The following RBMS1 variants were observed in gnomAD, a reference collection of about 807,000 sequenced individuals.
RBMS1 encodes RNA-binding motif, single-stranded-interacting protein 1.
Under a neutral mutation model 62.3 loss-of-function variants are expected in RBMS1, and 17 were observed. The observed-to-expected ratio is 0.27, with a 90% CI of 0.19 to 0.41. The LOEUF (loss-of-function observed/expected upper bound fraction) is 0.41. Among genes scored for constraint, RBMS1 ranks in the 10% least tolerant of loss-of-function variants. RBMS1 has a pLI of 1.00. For missense variants in RBMS1, 334 were observed against 504.5 expected, an observed-to-expected ratio of 0.66 and a Z score of 3.24; for synonymous variants, 172 against 170.0, an observed-to-expected ratio of 1.01 and a Z score of -0.09.
At chr2:160,368,479 T>C (rs1693533718) in intron 1 of RBMS1, among the ~76,000 whole-genome samples, 1 of 152,044 alleles carries the variant, frequency 6.6e-6, no homozygotes, top group African/African-American at 2.4e-5. Flanking sequence ...AATCCCACAG[T>C]GGAAAGTTGG....
intron 4 of RBMS1, among the ~76,000 whole-genome samples, chr2:160,304,274 G>C (rs1182084653): frequency 6.6e-6 from 1 of 152,142 alleles, no homozygotes; most frequent in Non-Finnish European, 1.5e-5. Flanking sequence ...AAAGCAAGGA[G>C]AATAATTATG....
At chr2:160,473,025 A>G (rs1684984006) in intron 1 of RBMS1, among the ~76,000 whole-genome samples, 1 of 152,246 alleles carries the variant, frequency 6.6e-6, no homozygotes, top group Non-Finnish European at 1.5e-5. Context: ...CAACTCTCCA[A>G]ACCTTATTGT....
chr2:160,344,753 T>G (rs142233361), intron 2 of RBMS1, among the ~76,000 whole-genome samples: 11 of 152,188 alleles, frequency 7.2e-5, no homozygotes, highest in African/African-American at 2.2e-4. Context: ...CAGATGGGTG[T>G]TAGGTACCAT....
intron 1 of RBMS1, among the ~76,000 whole-genome samples, chr2:160,479,103 G>A (rs973718152): frequency 2.0e-5 from 3 of 152,210 alleles, no homozygotes; most frequent in Admixed American, 6.5e-5. Flanking sequence ...GCAGGATAGA[G>A]AAACTTTACC....
intron 5 of RBMS1, chr2:160,302,927 T>C (rs1175358953): frequency 6.3e-6 from 1 of 158,610 alleles, no homozygotes; most frequent in East Asian, 1.9e-4. Flanking sequence ...ACATATTTCA[T>C]TTTAAAACCT....
At chr2:160,289,343 A>G (rs571974757) in intron 6 of RBMS1, among the ~76,000 whole-genome samples, 7 of 152,358 alleles carry the variant, frequency 4.6e-5, no homozygotes, top group Admixed American at 2.0e-4. Flanking sequence ...AACAGTTTGT[A>G]TACTGGCAGG....
intron 2 of RBMS1, among the ~76,000 whole-genome samples, chr2:160,339,811 A>G (rs2105992941): frequency 6.6e-6 from 1 of 152,300 alleles, no homozygotes; most frequent in Admixed American, 6.5e-5. Flanking sequence ...ACACAGCAAC[A>G]TGTTTTAAAG....
chr2:160,314,973 G>A (rs1039499167), intron 3 of RBMS1, among the ~76,000 whole-genome samples: 2 of 152,082 alleles, frequency 1.3e-5, no homozygotes, highest in African/African-American at 2.4e-5. Flanking sequence ...TGAGAACCCA[G>A]CTACAATGAA....
At chr2:160,280,599 T>C (rs1688052173) in intron 10 of RBMS1, among the ~76,000 whole-genome samples, 1 of 152,196 alleles carries the variant, frequency 6.6e-6, no homozygotes. Context: ...CTTACCAGGA[T>C]TCCCATTTTG....
intron 1 of RBMS1, among the ~76,000 whole-genome samples, chr2:160,411,852 A>G (rs1696050220): frequency 6.6e-6 from 1 of 152,232 alleles, no homozygotes. Flanking sequence ...AAGCACAAGC[A>G]AATTTAGGCA....
intron 1 of RBMS1, among the ~76,000 whole-genome samples, chr2:160,492,716 A>G (rs1204157550): frequency 6.6e-6 from 1 of 152,230 alleles, no homozygotes; most frequent in Non-Finnish European, 1.5e-5. Flanking sequence ...GCCACACCGC[A>G]CAAAGATCAG....
intron 1 of RBMS1, among the ~76,000 whole-genome samples, chr2:160,384,472 A>G (rs1014200074): frequency 6.6e-6 from 1 of 152,232 alleles, no homozygotes; most frequent in Non-Finnish European, 1.5e-5. Flanking sequence ...ATATTCCTCT[A>G]AACCTCAAAA....
chr2:160,446,143 C>G (rs894307357), intron 1 of RBMS1, among the ~76,000 whole-genome samples: 1 of 152,124 alleles, frequency 6.6e-6, no homozygotes, highest in Non-Finnish European at 1.5e-5. Flanking sequence ...TAAATAACAC[C>G]TACCTTCAAA....
chr2:160,365,413 T>C (rs1432212692), intron 2 of RBMS1, among the ~76,000 whole-genome samples: 1 of 152,214 alleles, frequency 6.6e-6, no homozygotes, highest in Admixed American at 6.5e-5. Flanking sequence ...AGAGTAATGT[T>C]TACACACGTT....
chr2:160,422,844 C>T (rs1419704581), intron 1 of RBMS1, among the ~76,000 whole-genome samples: 4 of 152,182 alleles, frequency 2.6e-5, no homozygotes, highest in Admixed American at 6.5e-5. Context: ...TTTAGTTATA[C>T]CTTTACTGCT....
intron 4 of RBMS1, among the ~76,000 whole-genome samples, chr2:160,310,025 T>C (rs1029466292): frequency 6.6e-6 from 1 of 152,232 alleles, no homozygotes; most frequent in African/African-American, 2.4e-5. Flanking sequence ...CATCATAATC[T>C]GTTCCTGAAA....
chr2:160,393,090 T>C (rs1241031947), intron 1 of RBMS1, among the ~76,000 whole-genome samples: 1 of 152,230 alleles, frequency 6.6e-6, no homozygotes, highest in East Asian at 1.9e-4. Context: ...TTTAGTATCC[T>C]AATAAGCAGT....
intron 2 of RBMS1, among the ~76,000 whole-genome samples, chr2:160,332,867 A>T (rs895821780): frequency 6.7e-6 from 1 of 149,446 alleles, no homozygotes; most frequent in Non-Finnish European, 1.5e-5. Context: ...TTATACATAT[A>T]TTTTATATAT....
chr2:160,373,977 C>T (rs1165923138), intron 1 of RBMS1, among the ~76,000 whole-genome samples: 1 of 152,064 alleles, frequency 6.6e-6, no homozygotes, highest in Non-Finnish European at 1.5e-5. Context: ...ATACAAATGA[C>T]ATGTCATTAA....
Sources: gnomAD v4.1 joint callset for allele counts (sites outside exome capture counted in the v4.1 genomes callset) on GRCh38, gnomAD v4.1.1 for gene constraint, MANE v1.5 for transcripts, NCBI Gene and HGNC (gene_info 2026-07-23, HGNC 2026-07-21) for gene names.